The following IFT57 variants were observed in gnomAD, a reference collection of about 807,000 sequenced individuals.
The protein encoded by IFT57 is intraflagellar transport protein 57 homolog.
A neutral mutation model predicts 56.8 loss-of-function variants in IFT57; 59 were observed. That is an observed-to-expected ratio of 1.04 (90% CI 0.84 to 1.29). The LOEUF is 1.29. Ranked by LOEUF, IFT57 falls within the 50% of genes most tolerant of loss-of-function variation. IFT57 has a pLI of 0.00. For synonymous variants in IFT57, 209 were observed against 186.1 expected, an observed-to-expected ratio of 1.12 and a Z score of -1.00; for missense variants, 470 against 522.1, an observed-to-expected ratio of 0.90 and a Z score of 0.97.
intron 6 of IFT57, among the ~76,000 whole-genome samples, chr3:108,189,853 T>C (rs2080205204): frequency 6.6e-6 from 1 of 152,182 alleles, no homozygotes; most frequent in South Asian, 2.1e-4. Context: ...ATGTATTATA[T>C]ACTGCATTCT....
chr3:108,167,473 C>T (rs2080069175), intron 7 of IFT57, among the ~76,000 whole-genome samples: 1 of 151,628 alleles, frequency 6.6e-6, no homozygotes, highest in African/African-American at 2.4e-5. Context: ...AAGTTCTAGA[C>T]CTTGCTGGTC....
At chr3:108,178,198 T>A (rs1577049766) in intron 6 of IFT57, among the ~76,000 whole-genome samples, 1 of 152,020 alleles carries the variant, frequency 6.6e-6, no homozygotes, top group East Asian at 1.9e-4. Flanking sequence ...AATAACCTTT[T>A]CAGTAAACTG....
chr3:108,173,351 G>C (rs1452574922), intron 6 of IFT57, among the ~76,000 whole-genome samples: 1 of 151,720 alleles, frequency 6.6e-6, no homozygotes, highest in African/African-American at 2.4e-5. Context: ...GCTAACTTCA[G>C]GTGGTAATGG....
At chr3:108,165,812 T>A (rs945625438) in intron 8 of IFT57, among the ~76,000 whole-genome samples, 2 of 152,052 alleles carry the variant, frequency 1.3e-5, no homozygotes, top group African/African-American at 4.8e-5. Flanking sequence ...TCTTGGTCAA[T>A]CTAATTTGCA....
rs749126694 is a variant in IFT57, at chr3:108,167,863, T to C, written c.779A>G (p.Asp260Gly). 1.9e-6 allele frequency: 3 copies of C among 1,589,344 alleles called. No homozygotes were observed. The highest frequency in any genetic ancestry group is 1.1e-5 in the South Asian group (1 of 87,876). ...LKVTIRTDNK[D>G]WRIHVDQMHQ... is the part of the protein sequence containing the mutation. ...CATTTGGTCAACATGGATTCTCCAA[T>C]CCTACAGGCATAGAGCACATAGAAA... is the stretch of plus-strand genomic sequence containing the variant. Residue 260 changes from aspartate (D) to glycine (G), a missense_variant and splice_region_variant, in exon 7 of 11, where the codon GAT becomes GGT. Physicochemically the swap from Asp to Gly is moderately conservative, Grantham distance 94 (BLOSUM62 -1). Coordinates refer to ENST00000264538, the MANE Select transcript of IFT57 (RefSeq NM_018010.4).
rs369146829 is a variant in IFT57, at chr3:108,171,508, CT to C, written c.778-3645del. The stretch of plus-strand genomic sequence containing the variant: ...GCAGAATTGGAGAGCTGAAAAGAAC[CT>C]TAGAGATCATCTATCCATCTACTTA... On this transcript the variant is annotated intron_variant, in intron 6 of 10. Coordinates refer to ENST00000264538, the MANE Select transcript of IFT57 (RefSeq NM_018010.4). Among the ~76,000 whole-genome samples the C allele has an allele frequency of 4.6e-4, 70 of 151,900 alleles. 1 individual carries two copies. The South Asian group carries it at 0.015, about 32-fold the overall frequency.
intron 5 of IFT57, among the ~76,000 whole-genome samples, chr3:108,197,005 G>A (rs1560116989): frequency 6.6e-6 from 1 of 152,050 alleles, no homozygotes; most frequent in African/African-American, 2.4e-5. Context: ...GGTACTTTAT[G>A]TGGGTCACTT....
At chr3:108,219,894 G>A (rs2080396209) in intron 1 of IFT57, among the ~76,000 whole-genome samples, 1 of 152,214 alleles carries the variant, frequency 6.6e-6, no homozygotes, top group Admixed American at 6.5e-5. Flanking sequence ...GTAATAATAT[G>A]TAAGTACCTT....
intron 6 of IFT57, among the ~76,000 whole-genome samples, chr3:108,179,163 ACT>A (rs1419170763): frequency 6.6e-6 from 1 of 151,696 alleles, no homozygotes; most frequent in Non-Finnish European, 1.5e-5. Flanking sequence ...TGGATAACAA[ACT>A]CTATTTCAAC....
chr3:108,208,975 CCCAGA>C (rs1249380431), intron 4 of IFT57, among the ~76,000 whole-genome samples: 1 of 152,150 alleles, frequency 6.6e-6, no homozygotes, highest in Non-Finnish European at 1.5e-5. Flanking sequence ...TACTTAATGG[CCCAGA>C]CACTTCAGGA....
chr3:108,175,365 CTTA>C (rs1164544123), intron 6 of IFT57, among the ~76,000 whole-genome samples: 2 of 151,798 alleles, frequency 1.3e-5, no homozygotes, highest in Admixed American at 1.3e-4. Flanking sequence ...AATGCTATCA[CTTA>C]TTAGGTAAAT....
chr3:108,219,573 C>T lies in IFT57; in HGVS notation c.213-1G>A. Reference sequence around the variant, plus strand: ...GTTGGTAGGCAGTGCAAAATAGTGTCTGTTTCAAAACAAGGAGGAATGGGG... The same window carrying T: ...GTTGGTAGGCAGTGCAAAATAGTGTTTGTTTCAAAACAAGGAGGAATGGGG... On this transcript the variant is annotated splice_acceptor_variant, in intron 1 of 10. Transcript: ENST00000264538. LOFTEE classifies it high-confidence loss of function. The T allele has an allele frequency of 6.2e-7, 1 of 1,613,032 alleles. No individual in the cohort carries two copies. Among genetic ancestry groups the T allele is most frequent in the Admixed American group, 1.7e-5 (1 of 59,996 alleles).
intron 5 of IFT57, among the ~76,000 whole-genome samples, chr3:108,196,995 G>T (rs2080247835): frequency 6.6e-6 from 1 of 152,098 alleles, no homozygotes; most frequent in East Asian, 1.9e-4. Context: ...TTTCATAAAT[G>T]GTACTTTATG....
chr3:108,167,936 T>C lies in IFT57; in HGVS notation c.778-72A>G. On this transcript the variant is annotated intron_variant, in intron 6 of 10. Transcript: ENST00000264538. ...CCATCTTTCCCTACTTCTTGTGAAG[T>C]TGTAACCTTTAATTACTTTGGTTCC... is the stretch of plus-strand genomic sequence containing the variant. 3 of 1,185,676 alleles carry C rather than the reference T, an allele frequency of 2.5e-6. 1 individual carries two copies. Among genetic ancestry groups the C allele is most frequent in the Non-Finnish European group, 1.2e-6 (1 of 845,638 alleles). 73.4% of individuals were successfully genotyped at this position (1,185,676 alleles called of 1,614,324 possible). A position where few individuals can be genotyped will look rare whatever the true frequency, so the allele number is the denominator to read the frequency against.
At position 108,167,004 on chromosome 3, in the gene IFT57, T is replaced by C. The variant is rs375008981; in HGVS notation, c.850-19A>G. On this transcript the variant is annotated intron_variant, in intron 7 of 10. Transcript: ENST00000264538. ...AAAATCCCTAGAAATTCCATGGAAT[T>C]TGCAGATAGAAGAACTCACAAACAT... 154 of 1,600,946 alleles carry C rather than the reference T, an allele frequency of 9.6e-5. No individual in the cohort carries two copies. The highest frequency in any genetic ancestry group is 1.1e-4 in the Non-Finnish European group (134 of 1,173,502).
At chr3:108,173,624 A>G (rs1371123896) in intron 6 of IFT57, among the ~76,000 whole-genome samples, 1 of 151,770 alleles carries the variant, frequency 6.6e-6, no homozygotes, top group African/African-American at 2.4e-5. Flanking sequence ...TATCTCATGT[A>G]ATTTATTGAA....
chr3:108,202,091 T>A (rs9877443), intron 5 of IFT57, among the ~76,000 whole-genome samples: 6 of 152,150 alleles, frequency 3.9e-5, no homozygotes, highest in African/African-American at 1.4e-4. Context: ...ATAGTATCTA[T>A]GGCATGTATG....
chr3:108,211,170 TG>T (rs1187900883), intron 4 of IFT57, among the ~76,000 whole-genome samples: 1 of 152,198 alleles, frequency 6.6e-6, no homozygotes, highest in Non-Finnish European at 1.5e-5. Flanking sequence ...TCCTGACTAG[TG>T]GGTTTGTTTT....
At chr3:108,171,486 G>A (rs1173665586) in intron 6 of IFT57, among the ~76,000 whole-genome samples, 1 of 151,812 alleles carries the variant, frequency 6.6e-6, no homozygotes, top group African/African-American at 2.4e-5. Context: ...AAGTATCGCA[G>A]AATTGGAGAG....
Sources: gnomAD v4.1 joint callset for allele counts (sites outside exome capture counted in the v4.1 genomes callset) on GRCh38, gnomAD v4.1.1 for gene constraint, MANE v1.5 for transcripts, NCBI Gene and HGNC (gene_info 2026-07-23, HGNC 2026-07-21) for gene names.